Variants in MCM9 observed in about 807,000 individuals in gnomAD.
MCM9 encodes the protein minichromosome maintenance 9 homologous recombination repair factor, also known as DNA helicase MCM9.
Under a neutral mutation model 72.8 loss-of-function variants are expected in MCM9, and 55 were observed. The observed-to-expected ratio is 0.76, with a 90% CI of 0.61 to 0.95. The LOEUF (loss-of-function observed/expected upper bound fraction) is 0.95, where lower values mean the gene tolerates loss of function less well. Ranked by LOEUF, MCM9 falls within the 40% of genes least tolerant of loss-of-function variation. The probability of loss-of-function intolerance (pLI) is 0.00; values close to 1 mark genes in which losing one functional copy is unlikely to be tolerated. For missense variants in MCM9, 1,279 were observed against 1,377.0 expected, an observed-to-expected ratio of 0.93 and a Z score of 1.13; for synonymous variants, 480 against 503.4, an observed-to-expected ratio of 0.95 and a Z score of 0.62.
At chr6:118,822,834 A>G (rs571543134) in intron 13 of MCM9, among the ~76,000 whole-genome samples, 49 of 152,284 alleles carry the variant, frequency 3.2e-4, no homozygotes, top group African/African-American at 1.1e-3. Context: ...AATCTAGAGA[A>G]GGTATCTGGC....
chr6:118,922,074 A>T lies in MCM9; in HGVS notation c.634T>A (p.Ser212Thr). ...ATAGATCGTGGAATACTTCCAACAG[A>T]TAGCCTTTGAACCTAGCAAAGAAAA... ...IKIQEQVQRL[S>T]VGSIPRSMKV... Residue 212 changes from serine to threonine, a missense_variant, in exon 5 of 14, where the codon TCT becomes ACT. Coordinates refer to ENST00000619706, the MANE Select transcript of MCM9 (RefSeq NM_017696.3). The T allele has an allele frequency of 6.2e-7, 1 of 1,612,404 alleles. No homozygotes were observed. Among genetic ancestry groups the T allele is most frequent in the South Asian group, 1.1e-5 (1 of 90,588 alleles).
chr6:118,868,933 T>C (rs1176706024), intron 8 of MCM9, among the ~76,000 whole-genome samples: 1 of 152,176 alleles, frequency 6.6e-6, no homozygotes, highest in African/African-American at 2.4e-5. Flanking sequence ...CCCAAAGGAT[T>C]ACAAATCATG....
intron 3 of MCM9, among the ~76,000 whole-genome samples, chr6:118,926,818 T>G (rs572267643): frequency 6.6e-6 from 1 of 152,320 alleles, no homozygotes; most frequent in South Asian, 2.1e-4. Flanking sequence ...CTGGGTCACA[T>G]GGTTATTAAA....
rs750527382 is a variant in MCM9, at chr6:118,864,672, G to A, written c.1151-8127C>T. Among the ~76,000 whole-genome samples, 9 of 152,252 alleles carry A rather than the reference G, an allele frequency of 5.9e-5. No homozygotes were observed. In the South Asian group the frequency reaches 1.2e-3, roughly 21 times the overall value. ...TCCCTAATATCAAGCTTCTTCCTGT[G>A]GAGAAGAGGATTTGTACTCACATGT... is the stretch of plus-strand genomic sequence containing the variant. On this transcript the variant is annotated intron_variant, in intron 8 of 13. Transcript: ENST00000619706.
chr6:118,845,401 A>G (rs1775790376), intron 9 of MCM9, among the ~76,000 whole-genome samples: 1 of 151,820 alleles, frequency 6.6e-6, no homozygotes, highest in South Asian at 2.1e-4. Context: ...GCAAGTTGTG[A>G]AGCTGGAACC....
intron 13 of MCM9, among the ~76,000 whole-genome samples, chr6:118,820,458 C>T (rs544883036): frequency 3.3e-4 from 50 of 152,268 alleles, no homozygotes; most frequent in African/African-American, 1.2e-3. Context: ...ATCCTGAGTT[C>T]TAATTTGATT....
chr6:118,826,729 A>G, intron 12 of MCM9, 53 bp downstream of exon 12: 1 of 1,385,688 alleles, frequency 7.2e-7, no homozygotes, highest in South Asian at 1.3e-5. Flanking sequence ...CCTTTTTTAA[A>G]AAAAAGAAAG....
intron 8 of MCM9, chr6:118,894,644 G>A (rs1036591360): frequency 1.1e-5 from 9 of 842,654 alleles, no homozygotes; most frequent in African/African-American, 3.5e-5. Context: ...GCTGCTCTGC[G>A]GAGGGAAACT....
chr6:118,815,122 T>TTA lies in MCM9; in HGVS notation c.3132_3133dup (p.Asn1045IlefsTer12). Reference sequence around the variant, plus strand: ...GCAGGCATGAACCTTGCCGCTTTTATTACTGCCTGAAACCTCTTCCTTTTT... The same window carrying TTA: ...GCAGGCATGAACCTTGCCGCTTTTATTATACTGCCTGAAACCTCTTCCTTTTT... On this transcript the variant is annotated frameshift_variant, in exon 14 of 14. Coordinates refer to ENST00000619706, the MANE Select transcript of MCM9 (RefSeq NM_017696.3). LOFTEE classifies it low-confidence loss of function (END_TRUNC). 6 of 1,550,726 alleles carry TTA rather than the reference T, an allele frequency of 3.9e-6. No homozygotes were observed. Among genetic ancestry groups the TTA allele is most frequent in the Non-Finnish European group, 5.2e-6 (6 of 1,147,018 alleles).
At chr6:118,829,789 T>G (rs558096865) in intron 9 of MCM9, among the ~76,000 whole-genome samples, 42 of 152,226 alleles carry the variant, frequency 2.8e-4, no homozygotes, top group African/African-American at 1.0e-3. Flanking sequence ...AGGATGACTC[T>G]GGAGAATAGT....
intron 9 of MCM9, among the ~76,000 whole-genome samples, chr6:118,832,130 A>G (rs1241261336): frequency 6.6e-6 from 1 of 152,160 alleles, no homozygotes; most frequent in East Asian, 1.9e-4. Flanking sequence ...GAGCAATTAC[A>G]GCTCACTACA....
intron 13 of MCM9, among the ~76,000 whole-genome samples, chr6:118,822,764 T>C (rs980696795): frequency 2.6e-5 from 4 of 152,168 alleles, no homozygotes; most frequent in East Asian, 3.9e-4. Flanking sequence ...CAGGGAGTTT[T>C]ATCTGCAAGC....
At chr6:118,893,672 T>A (rs1295635599) in intron 8 of MCM9, among the ~76,000 whole-genome samples, 1 of 152,078 alleles carries the variant, frequency 6.6e-6, no homozygotes, top group Non-Finnish European at 1.5e-5. Flanking sequence ...GTCTATAACA[T>A]GCAATTTATT....
intron 9 of MCM9, among the ~76,000 whole-genome samples, chr6:118,841,614 G>A (rs1251652283): frequency 6.6e-6 from 1 of 152,182 alleles, no homozygotes; most frequent in African/African-American, 2.4e-5. Context: ...CCAGAAAACT[G>A]ATGACTAGTC....
At position 118,875,546 on chromosome 6, in the gene MCM9, G is replaced by A. The variant is rs544133697; in HGVS notation, c.1151-19001C>T. ...AGCTACTCAAGAGACTGAGGTGGGA[G>A]CATCACTTGAGCCCAGGAGGTCAAG... On this transcript the variant is annotated intron_variant, in intron 8 of 13. Transcript: ENST00000619706. Among the ~76,000 whole-genome samples, 12 of 152,078 alleles carry A rather than the reference G, an allele frequency of 7.9e-5. No homozygotes were observed. The East Asian group carries it at 2.3e-3, about 30-fold the overall frequency.
At chr6:118,852,939 A>C (rs960434651) in intron 9 of MCM9, among the ~76,000 whole-genome samples, 6 of 152,186 alleles carry the variant, frequency 3.9e-5, no homozygotes, top group African/African-American at 1.4e-4. Flanking sequence ...TAAGGGTTTT[A>C]AGATTCATCC....
chr6:118,867,894 T>TTTTTTTA (rs1777326608), intron 8 of MCM9, among the ~76,000 whole-genome samples: 1 of 150,166 alleles, frequency 6.7e-6, no homozygotes, highest in Non-Finnish European at 1.5e-5. Context: ...TCTTTTTTTT[T>TTTTTTTA]GAGATGAAGT....
chr6:118,918,494 T>C (rs1781143761), intron 5 of MCM9: 1 of 152,240 alleles, frequency 6.6e-6, no homozygotes, highest in Non-Finnish European at 1.5e-5. Context: ...CCTGGGTAGT[T>C]TATAGGCACA....
chr6:118,918,785 A>C (rs1296435112), intron 5 of MCM9: 2 of 152,214 alleles, frequency 1.3e-5, no homozygotes, highest in Non-Finnish European at 2.9e-5. Flanking sequence ...TGTGCCAATT[A>C]TATGATATGT....
Sources: allele counts gnomAD v4.1 joint callset (sites outside exome capture counted in the v4.1 genomes callset), GRCh38; gene constraint gnomAD v4.1.1; transcripts MANE v1.5; gene names NCBI Gene and HGNC (gene_info 2026-07-23, HGNC 2026-07-21).